The following PAGE2B variants were observed in gnomAD, a reference collection of about 807,000 sequenced individuals.
The protein encoded by PAGE2B is PAGE family member 2B, also known as putative G antigen family E member 3.
A neutral mutation model predicts 7.6 loss-of-function variants in PAGE2B; 5 were observed. The observed-to-expected ratio is 0.66, with a 90% CI of 0.34 to 1.38. The LOEUF (loss-of-function observed/expected upper bound fraction) is 1.38, where lower values mean the gene tolerates loss of function less well. PAGE2B is among the 40% of genes most tolerant of loss of function. The pLI is 0.04. For synonymous variants in PAGE2B, 29 were observed against 26.7 expected (o/e 1.09, Z -0.27); for missense variants, 70 against 78.4 (o/e 0.89, Z 0.41).
At chrX:55,037,580 C>G in the PAGE2B span, among the ~76,000 whole-genome samples, 6 of 111,151 alleles carry the variant, frequency 5.4e-5, no homozygotes, top group African/African-American at 2.0e-4. Context: ...ATAAATGATG[C>G]TGCTATAAAG....
chrX:55,040,573 T>G, the PAGE2B span, among the ~76,000 whole-genome samples: 2 of 111,518 alleles, frequency 1.8e-5, no homozygotes, highest in Non-Finnish European at 3.8e-5. Context: ...GAACATTGTA[T>G]GATTCCACTT....
chrX:55,041,303 G>C, the PAGE2B span, among the ~76,000 whole-genome samples: 3 of 109,300 alleles, frequency 2.7e-5, no homozygotes, highest in Admixed American at 9.8e-5. Flanking sequence ...GGATGGTCTC[G>C]ATCTCCTGAC....
At chrX:55,036,921 C>T in the PAGE2B span, among the ~76,000 whole-genome samples, 1 of 109,139 alleles carries the variant, frequency 9.2e-6, no homozygotes, top group East Asian at 2.9e-4. Context: ...TAAAGACTTA[C>T]ATGTTAGACC....
chrX:55,030,462 G>C, the PAGE2B span, among the ~76,000 whole-genome samples: 1 of 111,368 alleles, frequency 9.0e-6, no homozygotes, highest in African/African-American at 3.3e-5. Flanking sequence ...ACTGAGCTCT[G>C]CTGTCAGCCC....
At chrX:55,032,622 C>T in the PAGE2B span, among the ~76,000 whole-genome samples, 2 of 111,233 alleles carry the variant, frequency 1.8e-5, no homozygotes, top group African/African-American at 6.5e-5. Context: ...TAGAACCTAC[C>T]CTATTGGATT....
chrX:55,046,253 A>T, the PAGE2B span, among the ~76,000 whole-genome samples: 1 of 111,268 alleles, frequency 9.0e-6, no homozygotes, highest in Non-Finnish European at 1.9e-5. Flanking sequence ...AGCTGGGATT[A>T]CAGGCACCTG....
chrX:55,052,801 A>G, the PAGE2B span, among the ~76,000 whole-genome samples: 2 of 112,445 alleles, frequency 1.8e-5, no homozygotes, highest in African/African-American at 3.2e-5. Flanking sequence ...CACACGGTGC[A>G]CTGCACCCAC....
At chrX:55,076,721 T>A in intron 3 of PAGE2B, 44 bp downstream of exon 3, 1 of 1,053,582 alleles carries the variant, frequency 9.5e-7, no homozygotes, top group Non-Finnish European at 1.3e-6. Flanking sequence ...GGTGGAGGTC[T>A]ATTTATGCAT....
the PAGE2B span, among the ~76,000 whole-genome samples, chrX:55,048,049 T>C: frequency 7.1e-5 from 8 of 112,042 alleles, no homozygotes; most frequent in East Asian, 2.2e-3. Flanking sequence ...GCCAGTTTTC[T>C]CAGCACCATT....
the PAGE2B span, among the ~76,000 whole-genome samples, chrX:55,058,429 T>G: frequency 1.8e-5 from 2 of 111,287 alleles, no homozygotes; most frequent in Non-Finnish European, 3.8e-5. Flanking sequence ...TAATTTGCAT[T>G]ATTTTATCTG....
the PAGE2B span, among the ~76,000 whole-genome samples, chrX:55,032,586 C>T: frequency 9.0e-6 from 1 of 111,591 alleles, no homozygotes; most frequent in Non-Finnish European, 1.9e-5. Flanking sequence ...ATCTCCAGAT[C>T]TCTCATATAT....
Position 55,077,396 on chromosome X carries a change from A to C in PAGE2B, c.194-3A>C, listed in dbSNP as rs1242388122. 2.5e-6 allele frequency: 3 copies of C among 1,209,145 alleles called. No individual in the cohort carries two copies. The highest frequency in any genetic ancestry group is 3.4e-6 in the Non-Finnish European group (3 of 894,669). On this transcript the variant is annotated splice_region_variant and splice_polypyrimidine_tract_variant and intron_variant, in intron 3 of 4. Transcript: ENST00000374971. The stretch of plus-strand genomic sequence containing the variant: ...TAAACTGATGACCTTTTTATCTTTT[A>C]AGGGCCTGACATGGAAGCTTTTCAA...
At chrX:55,076,224 A>G in intron 2 of PAGE2B, 99 bp downstream of exon 2, 15 of 952,002 alleles carry the variant, frequency 1.6e-5, no homozygotes, top group Non-Finnish European at 2.0e-5. Context: ...TTCCATGCTG[A>G]TAAAAAATGA....
the PAGE2B span, among the ~76,000 whole-genome samples, chrX:55,070,022 C>T: frequency 6.4e-5 from 7 of 110,131 alleles, no homozygotes; most frequent in African/African-American, 1.7e-4. Flanking sequence ...AAGGGTTTTT[C>T]GTGTTTGTAT....
the PAGE2B span, chrX:55,055,009 A>G: frequency 9.0e-6 from 1 of 111,642 alleles, no homozygotes; most frequent in Admixed American, 9.5e-5. Flanking sequence ...TAATGTACAT[A>G]AAAACTGGGG....
intron 3 of PAGE2B, among the ~76,000 whole-genome samples, chrX:55,076,886 G>A (rs1399940517): frequency 9.0e-6 from 1 of 111,509 alleles, no homozygotes; most frequent in Non-Finnish European, 1.9e-5. Flanking sequence ...TATTGATTGG[G>A]TATTTTCATG....
chrX:55,034,001 A>AT, the PAGE2B span, among the ~76,000 whole-genome samples: 1 of 111,933 alleles, frequency 8.9e-6, no homozygotes, highest in Non-Finnish European at 1.9e-5. Flanking sequence ...TCTTTTAAAG[A>AT]TTTTTTCCTA....
At chrX:55,047,314 A>C in the PAGE2B span, among the ~76,000 whole-genome samples, 26 of 111,671 alleles carry the variant, frequency 2.3e-4, no homozygotes, top group South Asian at 3.8e-4. Flanking sequence ...ACATTTTCTT[A>C]ATCCAGTCTA....
the PAGE2B span, among the ~76,000 whole-genome samples, chrX:55,034,945 T>C: frequency 5.4e-5 from 6 of 110,414 alleles, no homozygotes; most frequent in Non-Finnish European, 1.1e-4. Context: ...AGTCCAATGT[T>C]CAAGGGCAGG....
Sources: gnomAD v4.1 joint callset for allele counts (sites outside exome capture counted in the v4.1 genomes callset) on GRCh38, gnomAD v4.1.1 for gene constraint, MANE v1.5 for transcripts, NCBI Gene and HGNC (gene_info 2026-07-23, HGNC 2026-07-21) for gene names.